The following CPE variants were observed in gnomAD, a reference collection of about 807,000 sequenced individuals.
The protein encoded by CPE is carbocypeptidase E.
Under a neutral mutation model 53.5 loss-of-function variants are expected in CPE, and 17 were observed. The observed-to-expected ratio is 0.32, with a 90% CI of 0.22 to 0.48. The LOEUF is 0.48. Ranked by LOEUF, CPE falls within the 20% of genes least tolerant of loss-of-function variation. The pLI is 0.99. For synonymous variants in CPE, 226 were observed against 228.8 expected (o/e 0.99, Z 0.11); for missense variants, 524 against 614.7 (o/e 0.85, Z 1.56).
chr4:165,454,555 CT>C (rs1231840742), intron 1 of CPE, among the ~76,000 whole-genome samples: 1 of 152,144 alleles, frequency 6.6e-6, no homozygotes, highest in Non-Finnish European at 1.5e-5. Flanking sequence ...CGTTTTTCTC[CT>C]TCATTTATCT....
intron 2 of CPE, among the ~76,000 whole-genome samples, chr4:165,465,505 A>G (rs1463632758): frequency 1.3e-5 from 2 of 152,128 alleles, no homozygotes; most frequent in African/African-American, 2.4e-5. Context: ...TCTGTCTTAT[A>G]GATTTTTATC....
At chr4:165,482,656 A>C (rs141935114) in intron 4 of CPE, among the ~76,000 whole-genome samples, 24 of 152,322 alleles carry the variant, frequency 1.6e-4, no homozygotes, top group African/African-American at 5.8e-4. Context: ...ACTCTTGGAC[A>C]CTGATAAAGT....
chr4:165,479,096 A>G (rs1410913431), intron 3 of CPE, among the ~76,000 whole-genome samples: 1 of 152,216 alleles, frequency 6.6e-6, no homozygotes, highest in African/African-American at 2.4e-5. Flanking sequence ...AATAAATTCA[A>G]TAGTAAAAGA....
chr4:165,410,241 TA>T (rs70955614), intron 1 of CPE, among the ~76,000 whole-genome samples: 3,934 of 119,638 alleles, frequency 0.033, 173 homozygotes, highest in African/African-American at 0.11. Flanking sequence ...GGATACTCTG[TA>T]AAAAAAAAAA....
intron 7 of CPE, among the ~76,000 whole-genome samples, chr4:165,495,050 C>G (rs1732683688): frequency 6.6e-6 from 1 of 152,188 alleles, no homozygotes; most frequent in Non-Finnish European, 1.5e-5. Flanking sequence ...TTGAAAATCA[C>G]TGACTTAGGT....
At chr4:165,462,458 A>G (rs1732024628) in intron 1 of CPE, among the ~76,000 whole-genome samples, 1 of 150,152 alleles carries the variant, frequency 6.7e-6, no homozygotes, top group Non-Finnish European at 1.5e-5. Context: ...AGCAGGACCA[A>G]AATGCCTTCT....
At chr4:165,456,975 G>A (rs1388824814) in intron 1 of CPE, among the ~76,000 whole-genome samples, 4 of 151,812 alleles carry the variant, frequency 2.6e-5, no homozygotes, top group Non-Finnish European at 4.4e-5. Flanking sequence ...TCCTGACCTC[G>A]TGATCCACCC....
At chr4:165,408,515 A>G (rs1324474252) in intron 1 of CPE, among the ~76,000 whole-genome samples, 1 of 152,256 alleles carries the variant, frequency 6.6e-6, no homozygotes, top group South Asian at 2.1e-4. Flanking sequence ...GATTAATATC[A>G]TTGGCTAATA....
chr4:165,429,932 A>G (rs1731381465), intron 1 of CPE, among the ~76,000 whole-genome samples: 1 of 152,234 alleles, frequency 6.6e-6, no homozygotes, highest in Non-Finnish European at 1.5e-5. Flanking sequence ...CCCTAAGGAA[A>G]TCATAACCTC....
chr4:165,397,391 T>A lies in CPE; in HGVS notation c.307+17863T>A, dbSNP rs921243902. 5.3e-5 allele frequency among the ~76,000 whole-genome samples: 8 copies of A among 152,248 alleles called. No homozygotes were observed. In the East Asian group the frequency reaches 1.5e-3, roughly 29 times the overall value. ...TTATTTAACATCACAGGTTTGTAAG[T>A]GGCAAAACCAAGATTAGAATATACA... On this transcript the variant is annotated intron_variant, in intron 1 of 8. Transcript: ENST00000402744.
chr4:165,385,111 C>T (rs1387146069), intron 1 of CPE, among the ~76,000 whole-genome samples: 2 of 152,116 alleles, frequency 1.3e-5, no homozygotes, highest in African/African-American at 2.4e-5. Context: ...CAAGGGAATA[C>T]GTTAAGAACA....
At chr4:165,396,571 T>G (rs1222152738) in intron 1 of CPE, among the ~76,000 whole-genome samples, 3 of 151,536 alleles carry the variant, frequency 2.0e-5, no homozygotes, top group Non-Finnish European at 4.4e-5. Flanking sequence ...CTCTGGAGGC[T>G]GAGGCAGGAG....
chr4:165,437,433 A>G (rs1020294458), intron 1 of CPE, among the ~76,000 whole-genome samples: 1 of 152,192 alleles, frequency 6.6e-6, no homozygotes, highest in African/African-American at 2.4e-5. Context: ...TGTATCTGCA[A>G]CTGAGTTTCT....
chr4:165,492,726 T>A (rs1013713330), intron 6 of CPE, among the ~76,000 whole-genome samples: 2 of 152,196 alleles, frequency 1.3e-5, no homozygotes, highest in Non-Finnish European at 2.9e-5. Context: ...CCATACACTG[T>A]CTGTAATCTA....
At chr4:165,417,186 T>G (rs1398114221) in intron 1 of CPE, among the ~76,000 whole-genome samples, 1 of 152,028 alleles carries the variant, frequency 6.6e-6, no homozygotes, top group Non-Finnish European at 1.5e-5. Flanking sequence ...ACAGATAAGA[T>G]GTTGATGGTT....
At chr4:165,464,276 A>G (rs1312319034) in intron 1 of CPE, 114 bp from the exon 2 acceptor site, 2 of 830,226 alleles carry the variant, frequency 2.4e-6, no homozygotes, top group Non-Finnish European at 3.6e-6. Context: ...TTTTTAAGGC[A>G]TCGCTGCTGG....
rs1165990418 is a variant in CPE at position 165,468,376 on chromosome 4, T to C, written c.672+521T>C. Among the ~76,000 whole-genome samples the C allele has an allele frequency of 2.0e-5, 3 of 152,178 alleles. No homozygotes were observed. In the East Asian group the frequency reaches 5.8e-4, roughly 29 times the overall value. On this transcript the variant is annotated intron_variant, in intron 3 of 8. Coordinates refer to ENST00000402744, the MANE Select transcript of CPE (RefSeq NM_001873.4). ...CTTCCCTCCTTACCTGTACTTTCAGTGTTGTCTGTTACACAAGGTCTCCCA... is the reference window on the plus strand; with the variant it reads ...CTTCCCTCCTTACCTGTACTTTCAGCGTTGTCTGTTACACAAGGTCTCCCA...
At chr4:165,464,685 C>A in intron 2 of CPE, 99 bp downstream of exon 2, 2 of 1,042,352 alleles carry the variant, frequency 1.9e-6, no homozygotes, top group Non-Finnish European at 2.7e-6. Context: ...ACAAAGCTTA[C>A]AGATGGTGCA....
rs536131597 is a variant in CPE, at chr4:165,491,553, CTT to C, written c.1114-1615_1114-1614del. ...TTTTCCAATGGCTGAATTTCAAACT[CTT>C]TTCAATTTTGGTTGGCTTATTAGTT... On this transcript the variant is annotated intron_variant, in intron 6 of 8. Transcript: ENST00000402744. Among the ~76,000 whole-genome samples the C allele has an allele frequency of 3.3e-3, 499 of 152,144 alleles. 2 individuals are homozygous for C. Among genetic ancestry groups the C allele is most frequent in the African/African-American group, 0.011 (459 of 41,516 alleles).
Sources: gnomAD v4.1 joint callset for allele counts (sites outside exome capture counted in the v4.1 genomes callset) on GRCh38, gnomAD v4.1.1 for gene constraint, MANE v1.5 for transcripts, NCBI Gene and HGNC (gene_info 2026-07-23, HGNC 2026-07-21) for gene names.